The following RYK variants were observed in gnomAD, a reference collection of about 807,000 sequenced individuals.
RYK encodes receptor like tyrosine kinase, also known as inactive tyrosine-protein kinase RYK.
RYK carries 21 observed loss-of-function variants against 70.2 expected under a neutral mutation model. The observed-to-expected ratio is 0.30, with a 90% CI of 0.21 to 0.43. The LOEUF is 0.43. Ranked by LOEUF, RYK falls within the 20% of genes least tolerant of loss-of-function variation. The pLI, the probability that RYK is intolerant of heterozygous loss-of-function variation, is 1.00. For missense variants in RYK, 604 were observed against 753.3 expected (o/e 0.80, Z 2.32); for synonymous variants, 267 against 278.0 (o/e 0.96, Z 0.39).
chr3:134,216,180 T>C (rs911348430), intron 2 of RYK, among the ~76,000 whole-genome samples: 4 of 152,110 alleles, frequency 2.6e-5, no homozygotes, highest in Non-Finnish European at 5.9e-5. Context: ...CAATTACAAA[T>C]AGGAAGCTGG....
intron 13 of RYK, among the ~76,000 whole-genome samples, chr3:134,164,427 C>A (rs2012586863): frequency 6.6e-6 from 1 of 152,186 alleles, no homozygotes; most frequent in Non-Finnish European, 1.5e-5. Flanking sequence ...CTACCACCAG[C>A]ACTACCATCC....
intron 9 of RYK, chr3:134,183,393 TA>T (rs1176850687): frequency 6.2e-6 from 1 of 162,190 alleles, no homozygotes; most frequent in African/African-American, 2.4e-5. Context: ...ATAGCTCATA[TA>T]AATCAATAAG....
At chr3:134,167,025 G>A (rs1022250712) in intron 13 of RYK, among the ~76,000 whole-genome samples, 1 of 151,786 alleles carries the variant, frequency 6.6e-6, no homozygotes, top group African/African-American at 2.4e-5. Context: ...CTCTTAATGT[G>A]AACTTAATAC....
chr3:134,223,559 G>A (rs1305893127), intron 1 of RYK, among the ~76,000 whole-genome samples: 1 of 150,498 alleles, frequency 6.6e-6, no homozygotes, highest in African/African-American at 2.5e-5. Context: ...CTAGCTCATT[G>A]TTTATAAAAA....
In RYK at chr3:134,171,102, TAAC is replaced by T. The variant is rs1269261736; in HGVS notation, c.1575+4504_1575+4506del. ...AATGAATAAAAAACTCTATCTGTAA[TAAC>T]AAACTAAATAACTAACTAAAGTAAT... On this transcript the variant is annotated intron_variant, in intron 13 of 14. Coordinates refer to ENST00000623711, the MANE Select transcript of RYK (RefSeq NM_002958.4). 2.0e-5 allele frequency: 3 copies of T among 152,318 alleles called. No homozygotes were observed. The East Asian group carries it at 5.8e-4, about 29-fold the overall frequency. The allele number at this position is 152,318 out of a possible 1,614,324, so 9.4% of individuals were successfully genotyped here. A position where few individuals can be genotyped will look rare whatever the true frequency, so the allele number is the denominator to read the frequency against.
intron 13 of RYK, among the ~76,000 whole-genome samples, chr3:134,161,791 A>C (rs1027659716): frequency 6.6e-6 from 1 of 151,224 alleles, no homozygotes; most frequent in Non-Finnish European, 1.5e-5. Flanking sequence ...AAGAAAACTC[A>C]ACACTGTTTG....
chr3:134,232,750 T>C (rs1250251459), intron 1 of RYK, among the ~76,000 whole-genome samples: 4 of 152,254 alleles, frequency 2.6e-5, no homozygotes, highest in Admixed American at 6.5e-5. Context: ...AAATACAGTC[T>C]GTTATATTGT....
chr3:134,213,978 T>C (rs756026142), intron 2 of RYK, among the ~76,000 whole-genome samples: 4 of 152,128 alleles, frequency 2.6e-5, no homozygotes, highest in African/African-American at 7.2e-5. Flanking sequence ...AGCTAATTTT[T>C]GTATTTTTAG....
intron 1 of RYK, among the ~76,000 whole-genome samples, chr3:134,241,833 AAAAC>A (rs1313813585): frequency 7.2e-5 from 11 of 152,204 alleles, no homozygotes; most frequent in Admixed American, 1.3e-4. Flanking sequence ...TATCTGTTTA[AAAAC>A]AAACAAACAA....
chr3:134,216,582 G>A (rs906650753), intron 2 of RYK, among the ~76,000 whole-genome samples: 1 of 151,894 alleles, frequency 6.6e-6, no homozygotes, highest in African/African-American at 2.4e-5. Context: ...CACGATGTGA[G>A]GAAATTGAGA....
intron 7 of RYK, among the ~76,000 whole-genome samples, chr3:134,192,788 T>C (rs1156875305): frequency 6.6e-6 from 1 of 152,180 alleles, no homozygotes. Context: ...GAGAACCACA[T>C]GAAAAGTTTT....
At chr3:134,181,711 T>A (rs540834136) in intron 10 of RYK, 1 of 152,178 alleles carries the variant, frequency 6.6e-6, no homozygotes, top group African/African-American at 2.4e-5. Context: ...AAATTTTCAG[T>A]AGACATACAA....
At chr3:134,185,430 A>G (rs1197356797) in intron 9 of RYK, among the ~76,000 whole-genome samples, 1 of 152,178 alleles carries the variant, frequency 6.6e-6, no homozygotes, top group East Asian at 1.9e-4. Flanking sequence ...ATTACTTGCT[A>G]CTAAGTGTCC....
Position 134,203,974 on chromosome 3 carries a change from T to C in RYK, c.644-1100A>G, listed in dbSNP as rs895359160. Among the ~76,000 whole-genome samples, 6 of 152,178 alleles carry C rather than the reference T, an allele frequency of 3.9e-5. No individual in the cohort carries two copies. In the East Asian group the frequency reaches 1.2e-3, roughly 29 times the overall value. On this transcript the variant is annotated intron_variant, in intron 5 of 14. Transcript: ENST00000623711. ...CAGTTACCATACTAGACAGTGCAGA[T>C]CTATATATTCTTCATATTTCTTCAA...
chr3:134,190,064 G>C (rs887169031), intron 8 of RYK, among the ~76,000 whole-genome samples: 3 of 152,146 alleles, frequency 2.0e-5, no homozygotes, highest in African/African-American at 7.2e-5. Context: ...GGAGTTGTTG[G>C]TATCCATGTA....
At chr3:134,247,968 AAGTACCATAAC>A (rs769984765) in intron 1 of RYK, among the ~76,000 whole-genome samples, 63 of 152,204 alleles carry the variant, frequency 4.1e-4, no homozygotes, top group Non-Finnish European at 7.4e-4. Flanking sequence ...AAGAAGCCTT[AAGTACCATAAC>A]AGCTTCTGTG....
intron 13 of RYK, among the ~76,000 whole-genome samples, chr3:134,164,260 G>A (rs1225505074): frequency 6.6e-6 from 1 of 152,144 alleles, no homozygotes; most frequent in Non-Finnish European, 1.5e-5. Flanking sequence ...TATTTTTATT[G>A]TAGTACAGCT....
chr3:134,225,871 T>C (rs1434592732), intron 1 of RYK, among the ~76,000 whole-genome samples: 1 of 98,572 alleles, frequency 1.0e-5, no homozygotes, highest in Non-Finnish European at 2.5e-5. Flanking sequence ...AATAAAAAGA[T>C]CAAAAAAAAA....
chr3:134,217,536 T>C (rs765897921), intron 2 of RYK, among the ~76,000 whole-genome samples: 3 of 152,214 alleles, frequency 2.0e-5, no homozygotes, highest in Non-Finnish European at 4.4e-5. Flanking sequence ...TACAGCCATT[T>C]GAAGGGGGAA....
Sources: allele counts gnomAD v4.1 joint callset (sites outside exome capture counted in the v4.1 genomes callset), GRCh38; gene constraint gnomAD v4.1.1; transcripts MANE v1.5; gene names NCBI Gene and HGNC (gene_info 2026-07-23, HGNC 2026-07-21).